Variants in NUP93 observed in about 807,000 individuals in gnomAD.
NUP93 encodes nucleoporin 93, also known as nuclear pore complex protein Nup93.
Under a neutral mutation model 107.8 loss-of-function variants are expected in NUP93, and 55 were observed. That is an observed-to-expected ratio of 0.51 (90% CI 0.41 to 0.64). The LOEUF is 0.64. NUP93 is among the 30% of genes least tolerant of loss of function. The pLI is 0.00. For synonymous variants in NUP93, 390 were observed against 397.5 expected, an observed-to-expected ratio of 0.98 and a Z score of 0.22; for missense variants, 937 against 1,044.7, an observed-to-expected ratio of 0.90 and a Z score of 1.42.
In NUP93 at chr16:56,833,946, G is replaced by A. The variant is rs1198407159; in HGVS notation, c.1538-182G>A. Among the ~76,000 whole-genome samples, 5 of 152,156 alleles carry A rather than the reference G, an allele frequency of 3.3e-5. No homozygotes were observed. In the South Asian group the frequency reaches 8.3e-4, roughly 25 times the overall value. ...GCAAAGTGCTGTTTTCTCCACTCTGGGCCTGGGGATGAATTGAGGATAGGA... is the reference window on the plus strand; with the variant it reads ...GCAAAGTGCTGTTTTCTCCACTCTGAGCCTGGGGATGAATTGAGGATAGGA... On this transcript the variant is annotated intron_variant, in intron 13 of 21. Coordinates refer to ENST00000308159, the MANE Select transcript of NUP93 (RefSeq NM_014669.5).
chr16:56,763,577 A>G (rs1314568838), intron 3 of NUP93, among the ~76,000 whole-genome samples: 2 of 151,684 alleles, frequency 1.3e-5, no homozygotes, highest in East Asian at 1.9e-4. Flanking sequence ...CTTTTATAAC[A>G]TATCTTTGCT....
At position 56,830,589 on chromosome 16, in the gene NUP93, A is replaced by G. The variant is rs993254811; in HGVS notation, c.989A>G (p.Asp330Gly). ...ATTTACTACTGCATGCGCTGTGGAG[A>G]CCTGCTTGCCGCTTCACAGGTAGTT... is the stretch of plus-strand genomic sequence containing the variant. ...ALIYYCMRCG[D>G]LLAASQVVNR... The change falls in exon 10 of 22, where the codon GAC becomes GGC. Residue 330 changes from aspartate (D) to glycine (G), a missense_variant. Asp to Gly is a moderately conservative substitution (Grantham distance 94). Transcript: ENST00000308159. 1.9e-6 allele frequency: 3 copies of G among 1,610,856 alleles called. No individual in the cohort carries two copies. The African/African-American group carries it at 4.0e-5, about 22-fold the overall frequency.
At chr16:56,738,218 G>A (rs2144434280) in intron 1 of NUP93, among the ~76,000 whole-genome samples, 1 of 152,364 alleles carries the variant, frequency 6.6e-6, no homozygotes, top group African/African-American at 2.4e-5. Context: ...CAGGGTCAGA[G>A]GGCTGGCGTG....
intron 5 of NUP93, among the ~76,000 whole-genome samples, chr16:56,812,647 A>G (rs1201781797): frequency 6.6e-6 from 1 of 152,054 alleles, no homozygotes. Flanking sequence ...CCGCCCCCCT[A>G]GCAAGTTTTA....
chr16:56,767,640 G>A (rs1306142880), intron 3 of NUP93, among the ~76,000 whole-genome samples: 2 of 152,182 alleles, frequency 1.3e-5, no homozygotes, highest in African/African-American at 2.4e-5. Context: ...AAGGTTATAT[G>A]ATATGCTTGA....
chr16:56,842,652 A>C (rs1181149430), intron 21 of NUP93: 1 of 451,656 alleles, frequency 2.2e-6, no homozygotes, highest in Non-Finnish European at 4.4e-6. Context: ...TCTTGGGCTC[A>C]AGCCACCCTC....
At chr16:56,830,302 A>T (rs879678381) in intron 9 of NUP93, among the ~76,000 whole-genome samples, 4 of 150,674 alleles carry the variant, frequency 2.7e-5, no homozygotes, top group Non-Finnish European at 4.4e-5. Context: ...CTCTGGAGCC[A>T]TATTGCCACT....
intron 1 of NUP93, among the ~76,000 whole-genome samples, chr16:56,730,570 G>T (rs753941236): frequency 6.6e-6 from 1 of 152,202 alleles, no homozygotes. Context: ...ACAACGCCCC[G>T]CCTGCTTACC....
At chr16:56,778,807 G>A (rs1248366758) in intron 3 of NUP93, among the ~76,000 whole-genome samples, 1 of 152,114 alleles carries the variant, frequency 6.6e-6, no homozygotes, top group African/African-American at 2.4e-5. Context: ...TTGGAGATGG[G>A]GTAAGAAAAT....
chr16:56,730,905 C>A (rs1380200962), intron 1 of NUP93, among the ~76,000 whole-genome samples: 5 of 152,164 alleles, frequency 3.3e-5, no homozygotes, highest in African/African-American at 1.2e-4. Context: ...TGCCCTTCTG[C>A]CAGACGTGGG....
intron 3 of NUP93, among the ~76,000 whole-genome samples, chr16:56,778,626 A>AT (rs1215356744): frequency 6.6e-6 from 1 of 152,180 alleles, no homozygotes; most frequent in Non-Finnish European, 1.5e-5. Context: ...GTGGTGCCTG[A>AT]TGGGCTTAAG....
chr16:56,805,714 G>T, intron 5 of NUP93, 82 bp downstream of exon 5: 1 of 1,450,780 alleles, frequency 6.9e-7, no homozygotes, highest in East Asian at 2.5e-5. Flanking sequence ...AGTATTTTTG[G>T]CACAGTGGAT....
At position 56,764,783 on chromosome 16, in the gene NUP93, T is replaced by C. The variant is rs1962189003; in HGVS notation, c.297+6128T>C. 3.3e-5 allele frequency among the ~76,000 whole-genome samples: 5 copies of C among 152,274 alleles called. No homozygotes were observed. In the East Asian group the frequency reaches 9.6e-4, roughly 29 times the overall value. Reference sequence around the variant, plus strand: ...AGGAATTACTGGCAAAATATTAATATTGAAGGAAAAGTGCAGTAAAATTTC... The same window carrying C: ...AGGAATTACTGGCAAAATATTAATACTGAAGGAAAAGTGCAGTAAAATTTC... On this transcript the variant is annotated intron_variant, in intron 3 of 21. Transcript: ENST00000308159.
chr16:56,843,208 C>T (rs1964061051), intron 21 of NUP93, among the ~76,000 whole-genome samples: 2 of 152,216 alleles, frequency 1.3e-5, no homozygotes, highest in African/African-American at 4.8e-5. Context: ...GATGTGCCAG[C>T]GGTGGGTTCA....
At chr16:56,765,973 T>TTAAAAATGGTAACTTTGGAA (rs139518222) in intron 3 of NUP93, among the ~76,000 whole-genome samples, 18,027 of 152,024 alleles carry the variant, frequency 0.12, 1,407 homozygotes, top group Non-Finnish European at 0.18. Context: ...GTGAATGGAA[T>TTAAAAATGGTAACTTTGGAA]TAAAAATGGT....
At position 56,841,829 on chromosome 16, in the gene NUP93, A is replaced by G; in HGVS notation, c.2345A>G (p.Asp782Gly). 6.2e-7 allele frequency: 1 copy of G among 1,613,720 alleles called. No homozygotes were observed. Reference sequence around the variant, plus strand: ...CCCCAGCGAGTCATCGAGGACCGCGACTCTGTAAGATCCCAGCATTCGCGA... The same window carrying G: ...CCCCAGCGAGTCATCGAGGACCGCGGCTCTGTAAGATCCCAGCATTCGCGA... Reference protein sequence around the residue: ...SRPQRVIEDRDSQLRSQARTL... With the variant: ...SRPQRVIEDRGSQLRSQARTL... The change falls in exon 21 of 22, where the codon GAC becomes GGC. Residue 782 changes from aspartate (D) to glycine (G), a missense_variant. Physicochemically the swap from Asp to Gly is moderately conservative, Grantham distance 94. Coordinates refer to ENST00000308159, the MANE Select transcript of NUP93 (RefSeq NM_014669.5).
intron 10 of NUP93, 91 bp downstream of exon 10, chr16:56,830,776 C>T: frequency 1.6e-6 from 2 of 1,234,670 alleles, no homozygotes; most frequent in Non-Finnish European, 1.1e-6. Context: ...CCTGGACGGG[C>T]CCAAAACAAG....
intron 1 of NUP93, among the ~76,000 whole-genome samples, chr16:56,735,310 A>G (rs1242010203): frequency 2.0e-5 from 3 of 152,218 alleles, no homozygotes; most frequent in Non-Finnish European, 2.9e-5. Context: ...CATCGAGCTA[A>G]AGAGTGAAGG....
chr16:56,741,344 T>C (rs1164498272), intron 1 of NUP93, among the ~76,000 whole-genome samples: 1 of 152,234 alleles, frequency 6.6e-6, no homozygotes, highest in African/African-American at 2.4e-5. Context: ...TAATTTTATG[T>C]ATCAACAACT....
Sources: gnomAD v4.1 joint callset for allele counts (sites outside exome capture counted in the v4.1 genomes callset) on GRCh38, gnomAD v4.1.1 for gene constraint, MANE v1.5 for transcripts, NCBI Gene and HGNC (gene_info 2026-07-23, HGNC 2026-07-21) for gene names.